The following ELK3 variants were observed in gnomAD, a reference collection of about 807,000 sequenced individuals.
The protein encoded by ELK3 is ETS domain-containing protein Elk-3.
ELK3 carries 10 observed loss-of-function variants against 28.9 expected under a neutral mutation model. The ratio of observed to expected loss-of-function variants is 0.35; its 90% CI spans 0.21 to 0.59. ELK3 has a LOEUF of 0.59. Among genes scored for constraint, ELK3 ranks in the 20% least tolerant of loss-of-function variants. The pLI is 0.82. For missense variants in ELK3, 463 were observed against 517.3 expected, an observed-to-expected ratio of 0.90 and a Z score of 1.02; for synonymous variants, 272 against 243.5, an observed-to-expected ratio of 1.12 and a Z score of -1.09.
chr12:96,209,196 G>T (rs539941418), intron 1 of ELK3, among the ~76,000 whole-genome samples: 94 of 152,332 alleles, frequency 6.2e-4, no homozygotes, highest in African/African-American at 2.2e-3. Context: ...TGCAAAAAGA[G>T]TTTGAGAGAG....
chr12:96,208,534 AGAGTTCTTGTTGCT>A (rs1951554063), intron 1 of ELK3, among the ~76,000 whole-genome samples: 1 of 152,224 alleles, frequency 6.6e-6, no homozygotes, highest in African/African-American at 2.4e-5. Context: ...GAGAGGGTCA[AGAGTTCTTGTTGCT>A]TCATCCAGTT....
At chr12:96,196,083 G>A (rs950086174) in intron 1 of ELK3, among the ~76,000 whole-genome samples, 6 of 152,182 alleles carry the variant, frequency 3.9e-5, no homozygotes, top group African/African-American at 1.4e-4. Context: ...CAGGAAGAGA[G>A]AGCCCCCTTA....
chr12:96,208,838 T>C (rs1034253105), intron 1 of ELK3, among the ~76,000 whole-genome samples: 3 of 152,120 alleles, frequency 2.0e-5, no homozygotes, highest in Non-Finnish European at 2.9e-5. Context: ...GCTGTGCAGA[T>C]GTTGGAGGTC....
At chr12:96,217,514 T>A (rs1431964287) in intron 1 of ELK3, among the ~76,000 whole-genome samples, 3 of 152,242 alleles carry the variant, frequency 2.0e-5, no homozygotes, top group African/African-American at 7.2e-5. Context: ...AGATGCTTTT[T>A]TGAACTCATT....
chr12:96,230,242 G>A (rs1462348615), intron 2 of ELK3, among the ~76,000 whole-genome samples: 1 of 152,182 alleles, frequency 6.6e-6, no homozygotes, highest in Non-Finnish European at 1.5e-5. Context: ...GCCTTGGTGT[G>A]TGATAGGCTA....
intron 2 of ELK3, among the ~76,000 whole-genome samples, chr12:96,244,447 A>AT (rs34067649): frequency 0.13 from 17,951 of 139,586 alleles, 1,163 homozygotes; most frequent in Middle Eastern, 0.19. Flanking sequence ...GAAAATTAGA[A>AT]TTTTTTTTTT....
intron 1 of ELK3, among the ~76,000 whole-genome samples, chr12:96,218,530 G>A (rs928499506): frequency 6.6e-6 from 1 of 152,018 alleles, no homozygotes; most frequent in African/African-American, 2.4e-5. Context: ...CGCTATTTGG[G>A]TGGTGGGTAT....
chr12:96,254,974 G>A (rs1951936833), intron 3 of ELK3, among the ~76,000 whole-genome samples: 1 of 152,066 alleles, frequency 6.6e-6, no homozygotes, highest in Admixed American at 6.5e-5. Context: ...GCATTGAAGG[G>A]GTATGAGTGA....
In ELK3 at chr12:96,194,486, G is replaced by A. The variant is rs1176259437; in HGVS notation, c.-222G>A. 1 of 150,826 alleles carries A rather than the reference G, an allele frequency of 6.6e-6. No individual in the cohort carries two copies. Among genetic ancestry groups the A allele is most frequent in the Non-Finnish European group, 1.5e-5 (1 of 67,658 alleles). 9.3% of individuals were successfully genotyped at this position (150,826 alleles called of 1,614,324 possible). A position where few individuals can be genotyped will look rare whatever the true frequency, so the allele number is the denominator to read the frequency against. On this transcript the variant is annotated 5_prime_UTR_variant, in exon 1 of 5. Coordinates refer to ENST00000228741, the MANE Select transcript of ELK3 (RefSeq NM_005230.4). Reference sequence around the variant, plus strand: ...CCGCCTGGGGAATAATGCAGTAAAGGAAGTGAGCCGGCTCGGCCTGACTGC... The same window carrying A: ...CCGCCTGGGGAATAATGCAGTAAAGAAAGTGAGCCGGCTCGGCCTGACTGC...
chr12:96,210,139 C>CG (rs1565778189), intron 1 of ELK3, among the ~76,000 whole-genome samples: 1 of 152,022 alleles, frequency 6.6e-6, no homozygotes, highest in African/African-American at 2.4e-5. Context: ...GTATGAGGGT[C>CG]GGGGGGCCAG....
chr12:96,260,317 A>AAAG (rs142107682), intron 4 of ELK3, among the ~76,000 whole-genome samples: 8,536 of 152,192 alleles, frequency 0.056, 308 homozygotes, highest in East Asian at 0.13. Context: ...ATTATTTATA[A>AAAG]AAGTCCACAA....
At chr12:96,226,864 AG>A (rs539579717) in intron 2 of ELK3, among the ~76,000 whole-genome samples, 6 of 152,292 alleles carry the variant, frequency 3.9e-5, no homozygotes, top group African/African-American at 1.4e-4. Flanking sequence ...TGGAGGGGAG[AG>A]GAAAAAAAGA....
At chr12:96,202,060 T>C (rs868372032) in intron 1 of ELK3, among the ~76,000 whole-genome samples, 6 of 152,190 alleles carry the variant, frequency 3.9e-5, no homozygotes, top group African/African-American at 1.4e-4. Context: ...CTGATAGTCT[T>C]TGAAAGTGCT....
chr12:96,203,587 A>G (rs973049271), intron 1 of ELK3, among the ~76,000 whole-genome samples: 3 of 152,136 alleles, frequency 2.0e-5, no homozygotes, highest in African/African-American at 4.8e-5. Flanking sequence ...TGCTATGCAT[A>G]TGTCCATCTC....
intron 1 of ELK3, among the ~76,000 whole-genome samples, chr12:96,216,376 C>T (rs1359518686): frequency 2.6e-5 from 4 of 152,186 alleles, no homozygotes; most frequent in Non-Finnish European, 4.4e-5. Flanking sequence ...AAGCTGGAGT[C>T]GGAGAATCAG....
chr12:96,211,085 T>C (rs1951575011), intron 1 of ELK3, among the ~76,000 whole-genome samples: 1 of 152,214 alleles, frequency 6.6e-6, no homozygotes, highest in Non-Finnish European at 1.5e-5. Flanking sequence ...TCATAGTTCC[T>C]CGTGGGCACA....
intron 1 of ELK3, among the ~76,000 whole-genome samples, chr12:96,204,877 T>C (rs964106397): frequency 1.3e-5 from 2 of 152,266 alleles, no homozygotes; most frequent in East Asian, 1.9e-4. Context: ...CATCCCCTTA[T>C]TGGAGTTTGG....
chr12:96,251,371 T>C (rs1483540281), intron 3 of ELK3, among the ~76,000 whole-genome samples: 1 of 152,128 alleles, frequency 6.6e-6, no homozygotes, highest in African/African-American at 2.4e-5. Flanking sequence ...TCCTTGGGTC[T>C]CCCTATTCCC....
intron 2 of ELK3, among the ~76,000 whole-genome samples, chr12:96,243,527 A>G (rs904785361): frequency 6.6e-6 from 1 of 152,064 alleles, no homozygotes; most frequent in Non-Finnish European, 1.5e-5. Context: ...GTTCAAGACC[A>G]GCCTGGCCAA....
Sources: gnomAD v4.1 joint callset for allele counts (sites outside exome capture counted in the v4.1 genomes callset) on GRCh38, gnomAD v4.1.1 for gene constraint, MANE v1.5 for transcripts, NCBI Gene and HGNC (gene_info 2026-07-23, HGNC 2026-07-21) for gene names.